The following FHIT variants were observed in gnomAD, a reference collection of about 807,000 sequenced individuals.
FHIT encodes the protein bis(5'-adenosyl)-triphosphatase.
In FHIT, 19 loss-of-function variants were observed where a neutral mutation model predicts 17.9. The ratio of observed to expected loss-of-function variants is 1.06; its 90% CI spans 0.74 to 1.56. The LOEUF (loss-of-function observed/expected upper bound fraction) is 1.56. Among genes scored for constraint, FHIT ranks in the 40% most tolerant of loss-of-function variants. The pLI is 0.00. For synonymous variants in FHIT, 81 were observed against 69.7 expected (o/e 1.16, Z -0.81); for missense variants, 248 against 189.2 (o/e 1.31, Z -1.82).
chr3:60,441,768 ATTTATATG>A (rs1392924276), intron 5 of FHIT, among the ~76,000 whole-genome samples: 5 of 35,452 alleles, frequency 1.4e-4, no homozygotes, highest in African/African-American at 3.7e-4. Context: ...ATATATATAT[ATTTATATG>A]TATAAAAATA....
chr3:60,954,419 T>C (rs1709024879), intron 3 of FHIT, among the ~76,000 whole-genome samples: 1 of 152,208 alleles, frequency 6.6e-6, no homozygotes, highest in Non-Finnish European at 1.5e-5. Context: ...TAATGTTTAA[T>C]AGGCTCTGGA....
At chr3:60,660,729 C>CTTTTTTTTT in intron 4 of FHIT, among the ~76,000 whole-genome samples, 1,110 of 37,178 alleles carry the variant, frequency 0.03, 268 homozygotes, top group South Asian at 0.046. Context: ...TTATTGTGCT[C>CTTTTTTTTT]TTTTTTTTTT....
intron 3 of FHIT, among the ~76,000 whole-genome samples, chr3:60,897,213 G>A (rs991383662): frequency 1.3e-5 from 2 of 152,146 alleles, no homozygotes; most frequent in Non-Finnish European, 2.9e-5. Flanking sequence ...ACATAACCAC[G>A]ATGATGCTGC....
chr3:59,878,092 C>T (rs1482275297), intron 8 of FHIT, among the ~76,000 whole-genome samples: 2 of 152,076 alleles, frequency 1.3e-5, no homozygotes, highest in African/African-American at 2.4e-5. Flanking sequence ...AAATCTGCCT[C>T]ATATAAATGC....
chr3:60,235,697 A>G (rs776359303), intron 5 of FHIT, among the ~76,000 whole-genome samples: 15 of 152,188 alleles, frequency 9.9e-5, no homozygotes, highest in Admixed American at 3.9e-4. Context: ...TGTGATGTCA[A>G]TTTTATAAAG....
chr3:61,215,434 C>T (rs1356112081), intron 1 of FHIT, among the ~76,000 whole-genome samples: 2 of 152,150 alleles, frequency 1.3e-5, no homozygotes, highest in Non-Finnish European at 2.9e-5. Flanking sequence ...ATCCAACTTA[C>T]AAGGGACATG....
At chr3:59,782,814 C>T (rs200091920) in intron 8 of FHIT, among the ~76,000 whole-genome samples, 5,491 of 144,284 alleles carry the variant, frequency 0.038, 178 homozygotes, top group East Asian at 0.11. Flanking sequence ...ATTTTTTTTT[C>T]CCCCAGGAAA....
chr3:60,074,335 GA>G, intron 5 of FHIT, among the ~76,000 whole-genome samples: 1 of 152,132 alleles, frequency 6.6e-6, no homozygotes, highest in South Asian at 2.1e-4. Flanking sequence ...TTGTTGGATG[GA>G]AATTTTCTCT....
rs143918834 is a variant in FHIT, at chr3:60,629,010, G to T, written c.-17-92031C>A. 4.7e-4 allele frequency among the ~76,000 whole-genome samples: 72 copies of T among 152,172 alleles called. No homozygotes were observed. The East Asian group carries it at 0.013, about 27-fold the overall frequency. ...GTAAGCTGAGGCAAGGGGGACTGGG[G>T]CCTCAATATTCTCAGCCTCCCATAC... is the stretch of plus-strand genomic sequence containing the variant. On this transcript the variant is annotated intron_variant, in intron 4 of 9. Coordinates refer to ENST00000492590, the MANE Select transcript of FHIT (RefSeq NM_002012.4).
chr3:61,102,716 T>C lies in FHIT; in HGVS notation c.-163-60617A>G, dbSNP rs188655806. 1.8e-4 allele frequency among the ~76,000 whole-genome samples: 28 copies of C among 152,362 alleles called. No individual in the cohort carries two copies. The East Asian group carries it at 5.0e-3, about 27-fold the overall frequency. On this transcript the variant is annotated intron_variant, in intron 2 of 9. Coordinates refer to ENST00000492590, the MANE Select transcript of FHIT (RefSeq NM_002012.4). ...TTTTGGTTGGTAGGCTATTCATTAT[T>C]GCCTTAATTTCAGAGCCTGTTATTG...
At chr3:59,815,913 G>C (rs1451744879) in intron 8 of FHIT, among the ~76,000 whole-genome samples, 2 of 151,944 alleles carry the variant, frequency 1.3e-5, no homozygotes, top group Non-Finnish European at 2.9e-5. Flanking sequence ...AAATCAGCTA[G>C]AGCCAAGCAG....
intron 2 of FHIT, among the ~76,000 whole-genome samples, chr3:61,137,843 C>T (rs2036960926): frequency 6.6e-6 from 1 of 152,204 alleles, no homozygotes; most frequent in East Asian, 1.9e-4. Context: ...ACTCTCTCCC[C>T]ATACCCACCT....
intron 4 of FHIT, among the ~76,000 whole-genome samples, chr3:60,764,310 T>C (rs1003251828): frequency 1.3e-5 from 2 of 152,072 alleles, no homozygotes; most frequent in African/African-American, 4.8e-5. Context: ...AATGGTTTTA[T>C]AACAATCCAG....
chr3:60,389,173 T>C (rs943066922), intron 5 of FHIT, among the ~76,000 whole-genome samples: 12 of 152,184 alleles, frequency 7.9e-5, no homozygotes, highest in Non-Finnish European at 1.0e-4. Flanking sequence ...TGGGAGTGTC[T>C]TAGAAATGTG....
At chr3:60,484,781 G>T (rs1336936832) in intron 5 of FHIT, among the ~76,000 whole-genome samples, 1 of 152,184 alleles carries the variant, frequency 6.6e-6, no homozygotes, top group Non-Finnish European at 1.5e-5. Flanking sequence ...AAAAGCAATT[G>T]CAACAAAGGT....
chr3:61,139,911 A>C (rs1233484063), intron 2 of FHIT, among the ~76,000 whole-genome samples: 3 of 152,220 alleles, frequency 2.0e-5, no homozygotes, highest in Non-Finnish European at 2.9e-5. Context: ...ATCAGAAAAA[A>C]AGATTCAAAA....
intron 5 of FHIT, among the ~76,000 whole-genome samples, chr3:60,314,362 A>G (rs1483313292): frequency 1.3e-5 from 2 of 152,186 alleles, no homozygotes; most frequent in African/African-American, 4.8e-5. Flanking sequence ...TCAATCTGAC[A>G]GTTAACTGTA....
chr3:61,185,426 A>G (rs1228957372), intron 2 of FHIT, among the ~76,000 whole-genome samples: 1 of 152,196 alleles, frequency 6.6e-6, no homozygotes, highest in Non-Finnish European at 1.5e-5. Context: ...ACAAGTGATC[A>G]TCATCATACG....
chr3:60,457,824 G>A (rs374715870), intron 5 of FHIT, among the ~76,000 whole-genome samples: 51 of 151,840 alleles, frequency 3.4e-4, no homozygotes, highest in Non-Finnish European at 5.9e-4. Context: ...CAAAAGACAC[G>A]TGAAAAAACG....
Sources: allele counts gnomAD v4.1 joint callset (sites outside exome capture counted in the v4.1 genomes callset), GRCh38; gene constraint gnomAD v4.1.1; transcripts MANE v1.5; gene names NCBI Gene and HGNC (gene_info 2026-07-23, HGNC 2026-07-21).